Variants in DDAH1 observed in about 807,000 individuals in gnomAD.
The protein encoded by DDAH1 is dimethylarginine dimethylaminohydrolase 1.
DDAH1 carries 19 observed loss-of-function variants against 28.8 expected under a neutral mutation model. That is an observed-to-expected ratio of 0.66 (90% CI 0.46 to 0.97). The LOEUF (loss-of-function observed/expected upper bound fraction) is 0.97, where lower values mean the gene tolerates loss of function less well. DDAH1 is among the 50% of genes least tolerant of loss of function. The pLI is 0.00. For missense variants in DDAH1, 326 were observed against 375.9 expected, an observed-to-expected ratio of 0.87 and a Z score of 1.10; for synonymous variants, 153 against 154.4, an observed-to-expected ratio of 0.99 and a Z score of 0.07.
intron 2 of DDAH1, among the ~76,000 whole-genome samples, chr1:85,489,945 T>A (rs1336353952): frequency 6.6e-6 from 1 of 152,202 alleles, no homozygotes; most frequent in East Asian, 1.9e-4. Context: ...GATTATGATA[T>A]TATTCCATAT....
At chr1:85,358,992 T>C (rs968546324) in intron 1 of DDAH1, 145 bp from the exon 2 acceptor site, 11 of 555,192 alleles carry the variant, frequency 2.0e-5, no homozygotes, top group African/African-American at 1.7e-4. Context: ...CTTGTGAATA[T>C]ATAATGTATG....
intron 1 of DDAH1, among the ~76,000 whole-genome samples, chr1:85,406,260 G>T (rs1343043956): frequency 1.3e-5 from 2 of 152,174 alleles, no homozygotes; most frequent in East Asian, 1.9e-4. Context: ...TTATGAAATA[G>T]AATTTTATCT....
At position 85,324,784 on chromosome 1, in the gene DDAH1, C is replaced by T. The variant is rs755291583; in HGVS notation, c.697G>A (p.Val233Ile). The T allele has an allele frequency of 4.3e-5, 70 of 1,614,006 alleles. No individual in the cohort carries two copies. The highest frequency in any genetic ancestry group is 3.3e-4 in the Middle Eastern group (2 of 6,084). Residue 233 changes from valine (V) to isoleucine (I), a missense_variant, in exon 5 of 6, where the codon GTC (valine) becomes ATC (isoleucine). Coordinates refer to ENST00000284031, the MANE Select transcript of DDAH1 (RefSeq NM_012137.4). ...IYLNIPNKGH[V>I]LLHRTPEEYP... is the part of the protein sequence containing the mutation. ...TCTTCCGGGGTTCGGTGCAGCAAGACGTGCCCTTTGTTGGGGATATTTAGA... is the reference window on the plus strand; with the variant it reads ...TCTTCCGGGGTTCGGTGCAGCAAGATGTGCCCTTTGTTGGGGATATTTAGA...
chr1:85,332,954 GACTCATCC>G, intron 4 of DDAH1, among the ~76,000 whole-genome samples: 1 of 152,284 alleles, frequency 6.6e-6, no homozygotes, highest in South Asian at 2.1e-4. Flanking sequence ...GGAGCCTGAG[GACTCATCC>G]AGTCATCTGG....
chr1:85,575,676 A>C (rs1659581978), intron 1 of DDAH1, among the ~76,000 whole-genome samples: 3 of 152,218 alleles, frequency 2.0e-5, no homozygotes, highest in African/African-American at 7.2e-5. Flanking sequence ...AGTTAAATAA[A>C]GGTAAATTTC....
Position 85,498,776 on chromosome 1 carries a change from G to T in DDAH1, c.-122-2495C>A, listed in dbSNP as rs151252374. On this transcript the variant is annotated intron_variant, in intron 1 of 6. Transcript: ENST00000426972. ...TCTACCAAAAAAAATACAAAAATTA[G>T]CCGGAGGTAGTGGCGTATGCCTGTA... is the stretch of plus-strand genomic sequence containing the variant. Among the ~76,000 whole-genome samples, 70 of 152,198 alleles carry T rather than the reference G, an allele frequency of 4.6e-4. No individual in the cohort carries two copies. In the East Asian group the frequency reaches 0.012, roughly 25 times the overall value.
intron 1 of DDAH1, among the ~76,000 whole-genome samples, chr1:85,521,027 G>T (rs77778635): frequency 0.035 from 5,307 of 152,206 alleles, 137 homozygotes; most frequent in East Asian, 0.074. Context: ...AAAGTGTTAA[G>T]TTACCTCTCC....
intron 2 of DDAH1, among the ~76,000 whole-genome samples, chr1:85,473,289 A>AT (rs1327779586): frequency 2.0e-5 from 3 of 151,838 alleles, no homozygotes; most frequent in Non-Finnish European, 4.4e-5. Flanking sequence ...TATATTAGCT[A>AT]TTTTTTCAGT....
chr1:85,443,965 G>A (rs1654320877), intron 1 of DDAH1, among the ~76,000 whole-genome samples: 1 of 152,176 alleles, frequency 6.6e-6, no homozygotes, highest in Admixed American at 6.5e-5. Context: ...TGCAAACAGG[G>A]ACAATTTGAC....
intron 1 of DDAH1, among the ~76,000 whole-genome samples, chr1:85,497,275 C>A (rs12745559): frequency 0.47 from 71,895 of 151,938 alleles, 17,865 homozygotes; most frequent in East Asian, 0.62. Context: ...ACTAAGAATG[C>A]AAAAAATGGC....
intron 1 of DDAH1, chr1:85,404,478 T>C: frequency 6.6e-7 from 1 of 1,524,770 alleles, no homozygotes; most frequent in South Asian, 1.2e-5. Flanking sequence ...CATCCACCTG[T>C]GTTACTGAAG....
chr1:85,466,831 T>TTATTTA (rs1655399550), upstream of DDAH1, among the ~76,000 whole-genome samples: 1 of 115,470 alleles, frequency 8.7e-6, no homozygotes, highest in East Asian at 2.5e-4. Context: ...CATTATTTAT[T>TTATTTA]CTTTTTTTTT....
intron 4 of DDAH1, among the ~76,000 whole-genome samples, chr1:85,333,024 T>C (rs1011971873): frequency 8.3e-5 from 11 of 132,162 alleles, no homozygotes; most frequent in African/African-American, 3.0e-4. Flanking sequence ...GGCCCCAAAA[T>C]CAGCCCTCTG....
At chr1:85,532,928 G>A (rs547165030) in intron 1 of DDAH1, among the ~76,000 whole-genome samples, 3 of 152,302 alleles carry the variant, frequency 2.0e-5, no homozygotes, top group East Asian at 1.9e-4. Flanking sequence ...AAGATGATAC[G>A]CTGGTTTGGC....
intron 1 of DDAH1, among the ~76,000 whole-genome samples, chr1:85,381,104 G>C (rs913228307): frequency 6.6e-6 from 1 of 151,826 alleles, no homozygotes; most frequent in Non-Finnish European, 1.5e-5. Context: ...CGGGCGTGGT[G>C]GTGGGCGCCT....
intron 1 of DDAH1, among the ~76,000 whole-genome samples, chr1:85,557,769 T>G (rs543198447): frequency 1.3e-5 from 2 of 152,276 alleles, no homozygotes; most frequent in Non-Finnish European, 2.9e-5. Context: ...CCAATATGAC[T>G]GGCATTCTTA....
intron 1 of DDAH1, among the ~76,000 whole-genome samples, chr1:85,409,603 G>A (rs977410394): frequency 1.3e-5 from 2 of 151,960 alleles, no homozygotes; most frequent in Non-Finnish European, 2.9e-5. Flanking sequence ...TGGATCTCCT[G>A]CTTGTTGCTC....
chr1:85,520,990 G>A (rs1389231246), intron 1 of DDAH1, among the ~76,000 whole-genome samples: 5 of 152,188 alleles, frequency 3.3e-5, no homozygotes, highest in African/African-American at 1.2e-4. Flanking sequence ...GGAGAGCTGT[G>A]AGTCAGCCTC....
intron 2 of DDAH1, among the ~76,000 whole-genome samples, chr1:85,491,542 T>C (rs771627645): frequency 1.3e-5 from 2 of 152,130 alleles, no homozygotes; most frequent in African/African-American, 4.8e-5. Context: ...GAAACATACA[T>C]CAGAAATAGA....
Sources: gnomAD v4.1 joint callset for allele counts (sites outside exome capture counted in the v4.1 genomes callset) on GRCh38, gnomAD v4.1.1 for gene constraint, MANE v1.5 for transcripts, NCBI Gene and HGNC (gene_info 2026-07-23, HGNC 2026-07-21) for gene names.